The following TYRO3 variants were observed in gnomAD, a reference collection of about 807,000 sequenced individuals.
TYRO3 encodes TYRO3 protein tyrosine kinase, also known as tyrosine-protein kinase receptor TYRO3.
A neutral mutation model predicts 95.2 loss-of-function variants in TYRO3; 38 were observed. The ratio of observed to expected loss-of-function variants is 0.40; its 90% CI spans 0.31 to 0.52. The LOEUF is 0.52. TYRO3 is among the 20% of genes least tolerant of loss of function. The pLI is 0.56. For synonymous variants in TYRO3, 367 were observed against 432.9 expected, an observed-to-expected ratio of 0.85 and a Z score of 1.89; for missense variants, 812 against 1,116.4, an observed-to-expected ratio of 0.73 and a Z score of 3.89.
chr15:41,582,370 A>G lies in TYRO3; in HGVS notation c.*4094A>G, dbSNP rs2055931051. Reference sequence around the variant, plus strand: ...TTTACTAAACCCTGTCTTTACTAAAAATACACAAAATTAGCCAGGTATGGT... The same window carrying G: ...TTTACTAAACCCTGTCTTTACTAAAGATACACAAAATTAGCCAGGTATGGT... On this transcript the variant is annotated 3_prime_UTR_variant, in exon 19 of 19. Transcript: ENST00000263798. The G allele has an allele frequency of 6.6e-6, 1 of 152,114 alleles. No individual in the cohort carries two copies. The highest frequency in any genetic ancestry group is 6.5e-5 in the Admixed American group (1 of 15,272). 9.4% of individuals were successfully genotyped at this position (152,114 alleles called of 1,614,324 possible).
At chr15:41,572,831 C>T (rs993775554) in intron 15 of TYRO3, among the ~76,000 whole-genome samples, 171 bp from the exon 16 acceptor site, 1 of 152,222 alleles carries the variant, frequency 6.6e-6, no homozygotes, top group African/African-American at 2.4e-5. Context: ...GTCTTCCAGG[C>T]TCCCTCTTAG....
Position 41,573,793 on chromosome 15 carries a change from C to G in TYRO3, c.2260C>G (p.Pro754Ala). 1 of 1,614,234 alleles carries G rather than the reference C, an allele frequency of 6.2e-7. No homozygotes were observed. Among genetic ancestry groups the G allele is most frequent in the Non-Finnish European group, 8.5e-7 (1 of 1,180,048 alleles). ...YLIGGNRLKQ[P>A]PECMEDVYDL... ...CATTGGCGGGAACCGCCTGAAACAGCCTCCGGAGTGTATGGAGGACGTGTG... is the reference window on the plus strand; with the variant it reads ...CATTGGCGGGAACCGCCTGAAACAGGCTCCGGAGTGTATGGAGGACGTGTG... Residue 754 changes from proline to alanine, a missense_variant, in exon 18 of 19, where the codon CCT (proline) becomes GCT (alanine). Transcript: ENST00000263798.
intron 9 of TYRO3, 113 bp downstream of exon 9, chr15:41,569,135 CAG>C: frequency 7.6e-7 from 1 of 1,315,396 alleles, no homozygotes; most frequent in Non-Finnish European, 1.0e-6. Context: ...GACCCACAGA[CAG>C]AGTGAAGAAG....
intron 1 of TYRO3, among the ~76,000 whole-genome samples, chr15:41,560,717 C>T (rs2055641859): frequency 6.6e-6 from 1 of 150,674 alleles, no homozygotes. Context: ...AGGTTGGGTG[C>T]AGAGGGTGCT....
At chr15:41,561,476 A>C in intron 2 of TYRO3, 63 bp from the exon 3 acceptor site, 1 of 1,352,908 alleles carries the variant, frequency 7.4e-7, no homozygotes, top group Non-Finnish European at 9.9e-7. Flanking sequence ...GAACTCATCA[A>C]GTTTGCCCAG....
rs1336499468 is a variant in TYRO3, at chr15:41,567,337, A to G, written c.784-23A>G. 8.1e-6 allele frequency: 12 copies of G among 1,481,510 alleles called. 1 individual carries two copies. The South Asian group carries it at 1.7e-4, about 21-fold the overall frequency. 91.8% of individuals were successfully genotyped at this position (1,481,510 alleles called of 1,614,324 possible). On this transcript the variant is annotated intron_variant, in intron 6 of 18. Coordinates refer to ENST00000263798, the MANE Select transcript of TYRO3 (RefSeq NM_006293.4). ...TCTCTCACAGGCTCTCCCCTACATC[A>G]TTAGTTTTCTGCTTTTCTGTAGGTG...
chr15:41,564,356 C>A, intron 5 of TYRO3, 86 bp downstream of exon 5: 1 of 1,342,094 alleles, frequency 7.5e-7, no homozygotes. Flanking sequence ...TTCTGTGTTC[C>A]AGCTCCCCTT....
At position 41,573,742 on chromosome 15, in the gene TYRO3, G is replaced by A. The variant is rs758559401; in HGVS notation, c.2209G>A (p.Glu737Lys). ...TRGQTPYAGI[E>K]NAEIYNYLIG... ...TGGGCAGACGCCATATGCTGGCATC[G>A]AAAACGCTGAGATTTACAACTACCT... Residue 737 changes from glutamate to lysine, a missense_variant, in exon 18 of 19, where the codon GAA (glutamate) becomes AAA (lysine). Glu to Lys is a moderately conservative substitution (Grantham distance 56). Coordinates refer to ENST00000263798, the MANE Select transcript of TYRO3 (RefSeq NM_006293.4). 11 of 1,614,270 alleles carry A rather than the reference G, an allele frequency of 6.8e-6. No homozygotes were observed. Among genetic ancestry groups the A allele is most frequent in the South Asian group, 4.4e-5 (4 of 91,092 alleles).
At chr15:41,560,726 C>T (rs2055642145) in intron 1 of TYRO3, among the ~76,000 whole-genome samples, 1 of 152,210 alleles carries the variant, frequency 6.6e-6, no homozygotes, top group African/African-American at 2.4e-5. Context: ...GCAGAGGGTG[C>T]TGGCAGCAAT....
In TYRO3 at chr15:41,562,581, T is replaced by G. The variant is rs201880670; in HGVS notation, c.443T>G (p.Leu148Arg). ...TTTTTCACAGTGGAGCCAAAAGATCTGGCAGTGCCACCCAATGCCCCTTTC... is the reference window on the plus strand; with the variant it reads ...TTTTTCACAGTGGAGCCAAAAGATCGGGCAGTGCCACCCAATGCCCCTTTC... ...VPFFTVEPKD[L>R]AVPPNAPFQL... The change falls in exon 4 of 19, where the codon CTG becomes CGG. Residue 148 changes from leucine to arginine, a missense_variant. Coordinates refer to ENST00000263798, the MANE Select transcript of TYRO3 (RefSeq NM_006293.4). The G allele has an allele frequency of 2.5e-6, 4 of 1,613,206 alleles. No individual in the cohort carries two copies.
rs113990339 is a variant in TYRO3, at chr15:41,559,805, T to C, written c.124+424T>C. 2.0e-3 allele frequency among the ~76,000 whole-genome samples: 310 copies of C among 152,262 alleles called. 1 individual carries two copies. The highest frequency in any genetic ancestry group is 6.8e-3 in the African/African-American group (284 of 41,562). On this transcript the variant is annotated intron_variant, in intron 1 of 18. Transcript: ENST00000263798. ...GCACCCAAAGGCCACCCTGATACCATTTAGGTACACAGGGGCTGTGAGGGT... is the reference window on the plus strand; with the variant it reads ...GCACCCAAAGGCCACCCTGATACCACTTAGGTACACAGGGGCTGTGAGGGT...
intron 18 of TYRO3, chr15:41,574,508 G>A (rs1291261333): frequency 2.7e-6 from 1 of 371,302 alleles, no homozygotes; most frequent in Non-Finnish European, 5.3e-6. Flanking sequence ...CTTTGTAGAT[G>A]AGAAAATAGG....
At chr15:41,569,513 A>G (rs551629113) in intron 9 of TYRO3, among the ~76,000 whole-genome samples, 122 of 152,170 alleles carry the variant, frequency 8.0e-4, no homozygotes, top group African/African-American at 2.8e-3. Flanking sequence ...GTTCACACCT[A>G]TAATCCCACA....
chr15:41,562,768 G>T (rs760033917), intron 4 of TYRO3, 50 bp downstream of exon 4: 4 of 1,553,224 alleles, frequency 2.6e-6, no homozygotes, highest in Non-Finnish European at 3.5e-6. Context: ...CTGGGTCCTG[G>T]AGGGCACTGA....
chr15:41,576,695 G>C (rs948469303), intron 18 of TYRO3, among the ~76,000 whole-genome samples: 3 of 124,696 alleles, frequency 2.4e-5, no homozygotes, highest in African/African-American at 9.3e-5. Flanking sequence ...AAAGGGCCTC[G>C]CTCTGACAGC....
chr15:41,572,683 G>A, intron 15 of TYRO3, 119 bp downstream of exon 15: 2 of 1,304,340 alleles, frequency 1.5e-6, no homozygotes, highest in Admixed American at 2.4e-5. Flanking sequence ...CTGGGTGGGA[G>A]TAGGAGGGGT....
chr15:41,569,959 C>A, intron 9 of TYRO3, 68 bp from the exon 10 acceptor site: 1 of 1,556,504 alleles, frequency 6.4e-7, no homozygotes, highest in Non-Finnish European at 8.7e-7. Flanking sequence ...GGATGGCCAT[C>A]CTGGGAAAGT....
At chr15:41,559,705 C>A (rs932425000) in intron 1 of TYRO3, among the ~76,000 whole-genome samples, 1 of 152,220 alleles carries the variant, frequency 6.6e-6, no homozygotes, top group South Asian at 2.1e-4. Flanking sequence ...CTCCCTCCTT[C>A]CCAGTACTGG....
At chr15:41,567,581 G>A (rs781406881) in intron 7 of TYRO3, 44 bp downstream of exon 7, 21 of 1,407,566 alleles carry the variant, frequency 1.5e-5, no homozygotes, top group South Asian at 3.7e-5. Context: ...GGCTGGAGCC[G>A]GGAAGGGGGC....
Sources: gnomAD v4.1 joint callset for allele counts (sites outside exome capture counted in the v4.1 genomes callset) on GRCh38, gnomAD v4.1.1 for gene constraint, MANE v1.5 for transcripts, NCBI Gene and HGNC (gene_info 2026-07-23, HGNC 2026-07-21) for gene names.